The following PRKG1 variants were observed in gnomAD, a reference collection of about 807,000 sequenced individuals.
PRKG1 encodes protein kinase cGMP-dependent 1, also known as cGMP-dependent protein kinase 1.
PRKG1 carries 35 observed loss-of-function variants against 88.1 expected under a neutral mutation model. The ratio of observed to expected loss-of-function variants is 0.40; its 90% CI spans 0.30 to 0.53. PRKG1 has a LOEUF of 0.53. PRKG1 is among the 20% of genes least tolerant of loss of function. The pLI is 0.59. For missense variants in PRKG1, 540 were observed against 839.8 expected (o/e 0.64, Z 4.41); for synonymous variants, 303 against 292.5 (o/e 1.04, Z -0.37).
At chr10:51,101,488 T>G (rs1564600485) in intron 1 of PRKG1, among the ~76,000 whole-genome samples, 1 of 152,152 alleles carries the variant, frequency 6.6e-6, no homozygotes, top group Non-Finnish European at 1.5e-5. Context: ...AAAATCAGAC[T>G]CCAGATTACT....
chr10:52,051,700 C>A (rs2133249088), intron 5 of PRKG1, among the ~76,000 whole-genome samples: 1 of 152,368 alleles, frequency 6.6e-6, no homozygotes, highest in East Asian at 1.9e-4. Context: ...TGCCCTGTCA[C>A]AGAAGCTCAG....
At chr10:52,055,151 T>C (rs1846080567) in intron 6 of PRKG1, among the ~76,000 whole-genome samples, 1 of 152,044 alleles carries the variant, frequency 6.6e-6, no homozygotes, top group African/African-American at 2.4e-5. Context: ...AAAGAGAAAG[T>C]AAATACTTAG....
chr10:51,626,921 T>C (rs1839351581), intron 3 of PRKG1, among the ~76,000 whole-genome samples: 1 of 152,202 alleles, frequency 6.6e-6, no homozygotes, highest in African/African-American at 2.4e-5. Flanking sequence ...CATTATTCAT[T>C]AGTTCATTCA....
At chr10:51,177,818 T>C (rs530462684) in intron 2 of PRKG1, among the ~76,000 whole-genome samples, 1 of 152,016 alleles carries the variant, frequency 6.6e-6, no homozygotes, top group Non-Finnish European at 1.5e-5. Flanking sequence ...AGTATCAATA[T>C]GATTACATTT....
At chr10:51,838,393 TA>T (rs1259329209) in intron 4 of PRKG1, among the ~76,000 whole-genome samples, 1 of 152,146 alleles carries the variant, frequency 6.6e-6, no homozygotes, top group Non-Finnish European at 1.5e-5. Flanking sequence ...AAACAACATT[TA>T]AAAGCCATAG....
chr10:51,038,881 A>C (rs1217057755), intron 1 of PRKG1, among the ~76,000 whole-genome samples: 4 of 152,226 alleles, frequency 2.6e-5, no homozygotes, highest in Non-Finnish European at 4.4e-5. Context: ...CCAACTCATA[A>C]ATTTATACAC....
chr10:51,676,197 A>G (rs776109539), intron 3 of PRKG1, among the ~76,000 whole-genome samples: 2 of 144,292 alleles, frequency 1.4e-5, no homozygotes, highest in Non-Finnish European at 1.6e-5. Flanking sequence ...ATTTGAATTT[A>G]TATTCAAATT....
chr10:51,958,028 A>AT lies in PRKG1; in HGVS notation c.762+50466dup, dbSNP rs538023506. Among the ~76,000 whole-genome samples, 77 of 152,182 alleles carry AT rather than the reference A, an allele frequency of 5.1e-4. 1 individual carries two copies. The highest frequency in any genetic ancestry group is 1.7e-3 in the East Asian group (9 of 5,186). ...GTATCATTGATAATTTTTACCTTAGATTTTTTTTAATATAACAAGCACTCT... is the reference window on the plus strand; with the variant it reads ...GTATCATTGATAATTTTTACCTTAGATTTTTTTTTAATATAACAAGCACTCT... On this transcript the variant is annotated intron_variant, in intron 5 of 17. Transcript: ENST00000373980.
At chr10:51,222,202 A>G (rs999788491) in intron 2 of PRKG1, among the ~76,000 whole-genome samples, 2 of 138,172 alleles carry the variant, frequency 1.4e-5, no homozygotes, top group Non-Finnish European at 3.0e-5. Context: ...ATATTTTTCT[A>G]TGGAAAAATT....
intron 2 of PRKG1, among the ~76,000 whole-genome samples, chr10:51,308,983 T>C (rs919531867): frequency 5.3e-5 from 8 of 152,078 alleles, no homozygotes; most frequent in Admixed American, 3.3e-4. Flanking sequence ...GACCAACTGC[T>C]GCTGCCCATG....
At chr10:51,788,682 T>A (rs1253982857) in intron 3 of PRKG1, among the ~76,000 whole-genome samples, 2 of 152,192 alleles carry the variant, frequency 1.3e-5, no homozygotes, top group Non-Finnish European at 2.9e-5. Flanking sequence ...AACATTGTTT[T>A]CATATTTAGT....
chr10:51,167,958 T>C (rs2132001723), intron 2 of PRKG1, among the ~76,000 whole-genome samples: 1 of 152,286 alleles, frequency 6.6e-6, no homozygotes, highest in Middle Eastern at 3.4e-3. Flanking sequence ...GTTGCTCTCT[T>C]CTAATTAAAG....
intron 3 of PRKG1, among the ~76,000 whole-genome samples, chr10:51,553,967 A>AGATACGTGCATATTATATATGCGTATGT (rs1423598736): frequency 1.5e-5 from 2 of 133,718 alleles, no homozygotes; most frequent in Non-Finnish European, 3.2e-5. Context: ...TGTATGTATT[A>AGATACGTGCATATTATATATGCGTATGT]GATACGTGCA....
At chr10:52,097,974 T>C (rs113577112) in intron 7 of PRKG1, among the ~76,000 whole-genome samples, 11 of 152,186 alleles carry the variant, frequency 7.2e-5, no homozygotes, top group African/African-American at 2.6e-4. Flanking sequence ...TGCTTAGCTA[T>C]CAAGTACATT....
At chr10:52,051,581 G>A (rs1845987936) in intron 5 of PRKG1, among the ~76,000 whole-genome samples, 1 of 152,164 alleles carries the variant, frequency 6.6e-6, no homozygotes. Context: ...GATAAATGGA[G>A]GCAAAACATT....
intron 1 of PRKG1, among the ~76,000 whole-genome samples, chr10:51,039,816 G>C (rs1325617308): frequency 6.6e-6 from 1 of 152,144 alleles, no homozygotes; most frequent in South Asian, 2.1e-4. Flanking sequence ...TGGATATCCA[G>C]TTTCCTCAGC....
chr10:51,991,383 T>C (rs1033236103), intron 5 of PRKG1, among the ~76,000 whole-genome samples: 1 of 150,576 alleles, frequency 6.6e-6, no homozygotes, highest in African/African-American at 2.4e-5. Flanking sequence ...CTTTTCCAGA[T>C]TTTTTTTTTA....
intron 2 of PRKG1, among the ~76,000 whole-genome samples, chr10:51,281,142 G>C (rs1018691560): frequency 1.3e-5 from 2 of 152,196 alleles, no homozygotes; most frequent in South Asian, 2.1e-4. Context: ...GACCCTGTTT[G>C]CCTGGGTATC....
rs1839085809 is a variant in PRKG1 at position 51,798,768 on chromosome 10, C to A, written c.593-5817C>A. On this transcript the variant is annotated intron_variant, in intron 3 of 17. Transcript: ENST00000373980. ...TAATGTAGAAAGTAAAAGAGAATTA[C>A]AAGCTAATTTTGCTCATTGCAAATC... Among the ~76,000 whole-genome samples, 6 of 152,182 alleles carry A rather than the reference C, an allele frequency of 3.9e-5. No homozygotes were observed. In the South Asian group the frequency reaches 1.2e-3, roughly 32 times the overall value.
Sources: allele counts gnomAD v4.1 joint callset (sites outside exome capture counted in the v4.1 genomes callset), GRCh38; gene constraint gnomAD v4.1.1; transcripts MANE v1.5; gene names NCBI Gene and HGNC (gene_info 2026-07-23, HGNC 2026-07-21).